ATP10B: variants seen among roughly 807,000 people sequenced by gnomAD.
ATP10B encodes the protein phospholipid-transporting ATPase VB.
In ATP10B, 122 loss-of-function variants were observed where a neutral mutation model predicts 141.2. The ratio of observed to expected loss-of-function variants is 0.86; its 90% CI spans 0.75 to 1.00. The LOEUF is 1.00. Among genes scored for constraint, ATP10B ranks in the 50% least tolerant of loss-of-function variants. The probability of loss-of-function intolerance (pLI) is 0.00; values close to 1 mark genes in which losing one functional copy is unlikely to be tolerated. For synonymous variants in ATP10B, 685 were observed against 692.0 expected, an observed-to-expected ratio of 0.99 and a Z score of 0.16; for missense variants, 1,876 against 1,825.3, an observed-to-expected ratio of 1.03 and a Z score of -0.51.
chr5:160,824,923 G>C (rs1162888498), intron 1 of ATP10B, among the ~76,000 whole-genome samples: 2 of 151,416 alleles, frequency 1.3e-5, no homozygotes, highest in African/African-American at 4.9e-5. Flanking sequence ...CCCTGTTCCT[G>C]GTTTCCTGTT....
At chr5:160,917,632 G>T in the ATP10B span, among the ~76,000 whole-genome samples, 2 of 152,138 alleles carry the variant, frequency 1.3e-5, no homozygotes, top group African/African-American at 4.8e-5. Context: ...CACCATTTGT[G>T]TGCCTCGATT....
intron 20 of ATP10B, 99 bp from the exon 21 acceptor site, chr5:160,602,801 G>A (rs1757168828): frequency 2.6e-6 from 4 of 1,536,776 alleles, no homozygotes; most frequent in Non-Finnish European, 3.5e-6. Flanking sequence ...CCTACGGCCA[G>A]CAGAGTCCTA....
chr5:160,591,104 C>T lies in ATP10B; in HGVS notation c.3600G>A (p.Val1200=), dbSNP rs769968264. 11 of 1,613,876 alleles carry T rather than the reference C, an allele frequency of 6.8e-6. No individual in the cohort carries two copies. Among genetic ancestry groups the T allele is most frequent in the Admixed American group, 1.7e-5 (1 of 59,972 alleles). ...YNLSTFWISM[V]DAFYQSLICF... is the part of the protein sequence containing the mutation. The stretch of plus-strand genomic sequence containing the variant: ...AGATGAGGCTCTGGTAGAATGCATC[C>T]ACCATAGAAATCCAGAAAGTCGACA... Residue 1200 remains valine (V), a synonymous_variant, in exon 23 of 26, where the codon GTG becomes GTA. Transcript: ENST00000327245.
chr5:160,604,860 GATTTAA>G (rs562802622), intron 19 of ATP10B, among the ~76,000 whole-genome samples: 19 of 152,108 alleles, frequency 1.2e-4, no homozygotes, highest in Non-Finnish European at 2.5e-4. Context: ...GGTGAAATTC[GATTTAA>G]ATTTAAGTAG....
At chr5:160,919,778 T>C in the ATP10B span, among the ~76,000 whole-genome samples, 1 of 152,158 alleles carries the variant, frequency 6.6e-6, no homozygotes, top group Non-Finnish European at 1.5e-5. Flanking sequence ...TCTTTACACT[T>C]GGCAGCCATC....
intron 2 of ATP10B, among the ~76,000 whole-genome samples, chr5:160,776,903 A>G (rs59406755): frequency 5.3e-4 from 80 of 152,334 alleles, no homozygotes; most frequent in African/African-American, 1.9e-3. Flanking sequence ...TTAGTCGGAC[A>G]CTTGCTAGTA....
At chr5:160,649,371 G>C in intron 7 of ATP10B, 115 bp from the exon 8 acceptor site, 1 of 730,154 alleles carries the variant, frequency 1.4e-6, no homozygotes, top group Admixed American at 2.7e-5. Flanking sequence ...TCCATGCTTT[G>C]TCACACTTTG....
intron 2 of ATP10B, among the ~76,000 whole-genome samples, chr5:160,778,800 A>G (rs1421367461): frequency 6.6e-6 from 1 of 152,204 alleles, no homozygotes; most frequent in African/African-American, 2.4e-5. Context: ...GACTAATTCC[A>G]GAGAGGCGAA....
At chr5:160,632,518 A>C in intron 12 of ATP10B, 151 bp from the exon 13 acceptor site, 1 of 667,260 alleles carries the variant, frequency 1.5e-6, no homozygotes, top group Non-Finnish European at 2.6e-6. Context: ...GACTGGAGAA[A>C]GAAGGGTAAA....
chr5:160,570,857 T>A (rs1478652094), intron 24 of ATP10B, among the ~76,000 whole-genome samples: 1 of 152,224 alleles, frequency 6.6e-6, no homozygotes, highest in Non-Finnish European at 1.5e-5. Flanking sequence ...AATATGGAAT[T>A]CTTGTTAGGC....
intron 9 of ATP10B, among the ~76,000 whole-genome samples, chr5:160,643,392 C>A (rs1581251196): frequency 6.6e-6 from 1 of 152,126 alleles, no homozygotes; most frequent in Non-Finnish European, 1.5e-5. Flanking sequence ...CCAGAGAGAC[C>A]ATGTTTCCTC....
At chr5:160,796,157 G>A (rs1581547775) in intron 1 of ATP10B, among the ~76,000 whole-genome samples, 1 of 152,102 alleles carries the variant, frequency 6.6e-6, no homozygotes, top group Non-Finnish European at 1.5e-5. Flanking sequence ...ATACCACAAA[G>A]CATTCTTAAG....
At chr5:160,603,754 T>C in intron 20 of ATP10B, 1 of 529,364 alleles carries the variant, frequency 1.9e-6, no homozygotes, top group South Asian at 2.8e-5. Flanking sequence ...GTCAAGTTAG[T>C]TTGCTTCTTC....
chr5:160,597,282 C>T (rs542330452), intron 22 of ATP10B, among the ~76,000 whole-genome samples: 72 of 152,318 alleles, frequency 4.7e-4, no homozygotes, highest in African/African-American at 1.7e-3. Flanking sequence ...CTGACAAAAA[C>T]TAGCAATGGG....
At chr5:160,920,530 T>C in the ATP10B span, among the ~76,000 whole-genome samples, 1 of 152,230 alleles carries the variant, frequency 6.6e-6, no homozygotes, top group Non-Finnish European at 1.5e-5. Flanking sequence ...AAGAAGCACA[T>C]GGAACTTACA....
chr5:160,785,233 C>T (rs1352179772), intron 2 of ATP10B, among the ~76,000 whole-genome samples: 1 of 152,204 alleles, frequency 6.6e-6, no homozygotes, highest in East Asian at 1.9e-4. Context: ...TTATTTACGC[C>T]ACCTTGAATC....
At chr5:160,891,458 TTTTA>T in the ATP10B span, among the ~76,000 whole-genome samples, 3 of 152,208 alleles carry the variant, frequency 2.0e-5, no homozygotes, top group Admixed American at 1.3e-4. Context: ...AGGTTTTATT[TTTTA>T]TTTATTTTCT....
the ATP10B span, among the ~76,000 whole-genome samples, chr5:160,919,000 C>T: frequency 5.3e-5 from 8 of 150,946 alleles, no homozygotes; most frequent in South Asian, 2.1e-4. Flanking sequence ...CCGAGATGGG[C>T]GGATCACGAG....
chr5:160,885,092 A>G, the ATP10B span, among the ~76,000 whole-genome samples: 2 of 152,348 alleles, frequency 1.3e-5, no homozygotes, highest in African/African-American at 4.8e-5. Flanking sequence ...TGATCCCACA[A>G]GCCACCTCTG....
Sources: allele counts gnomAD v4.1 joint callset (sites outside exome capture counted in the v4.1 genomes callset), GRCh38; gene constraint gnomAD v4.1.1; transcripts MANE v1.5; gene names NCBI Gene and HGNC (gene_info 2026-07-23, HGNC 2026-07-21).